OTULIN: variants seen among roughly 807,000 people sequenced by gnomAD.
OTULIN encodes the protein ubiquitin thioesterase otulin.
In OTULIN, 15 loss-of-function variants were observed where a neutral mutation model predicts 39.6. The observed-to-expected ratio is 0.38, with a 90% CI of 0.25 to 0.58. The LOEUF (loss-of-function observed/expected upper bound fraction) is 0.58. Among genes scored for constraint, OTULIN ranks in the 20% least tolerant of loss-of-function variants. OTULIN has a pLI of 0.66. For missense variants in OTULIN, 319 were observed against 445.9 expected, an observed-to-expected ratio of 0.72 and a Z score of 2.56; for synonymous variants, 156 against 170.3, an observed-to-expected ratio of 0.92 and a Z score of 0.65.
chr5:14,701,545 C>T (rs1170052552), downstream of OTULIN, among the ~76,000 whole-genome samples: 1 of 152,178 alleles, frequency 6.6e-6, no homozygotes. Flanking sequence ...TATTACAACC[C>T]CCTGCCCCAG....
In OTULIN at chr5:14,699,183, T is replaced by C. The variant is rs1736747362; in HGVS notation, c.*6135T>C. ...ACTGCTGGAAATGTACCCACTAATG[T>C]GATGGCAAGAACTTCAACAAATTGC... On this transcript the variant is annotated 3_prime_UTR_variant, in exon 7 of 7. Coordinates refer to ENST00000284274, the MANE Select transcript of OTULIN (RefSeq NM_138348.6). The C allele has an allele frequency of 6.6e-6, 1 of 152,222 alleles. No homozygotes were observed. Among genetic ancestry groups the C allele is most frequent in the Non-Finnish European group, 1.5e-5 (1 of 68,066 alleles). The allele number at this position is 152,222 out of a possible 1,614,324, so 9.4% of individuals were successfully genotyped here.
In OTULIN at chr5:14,696,833, A is replaced by C. The variant is rs1474453735; in HGVS notation, c.*3785A>C. 1 of 152,360 alleles carries C rather than the reference A, an allele frequency of 6.6e-6. No individual in the cohort carries two copies. The highest frequency in any genetic ancestry group is 1.9e-4 in the East Asian group (1 of 5,188). 9.4% of individuals were successfully genotyped at this position (152,360 alleles called of 1,614,324 possible). A position where few individuals can be genotyped will look rare whatever the true frequency, so the allele number is the denominator to read the frequency against. On this transcript the variant is annotated 3_prime_UTR_variant, in exon 7 of 7. Coordinates refer to ENST00000284274, the MANE Select transcript of OTULIN (RefSeq NM_138348.6). ...CATCATCTAAGGGGATGGGAAGACT[A>C]GGGAGCCAGTGCCACGTTGAACAGA... is the stretch of plus-strand genomic sequence containing the variant.
Position 14,693,174 on chromosome 5 carries a change from A to G in OTULIN, c.*126A>G, listed in dbSNP as rs1364897291. The G allele has an allele frequency of 1.2e-6, 1 of 838,492 alleles. No individual in the cohort carries two copies. Among genetic ancestry groups the G allele is most frequent in the Non-Finnish European group, 1.8e-6 (1 of 552,384 alleles). 51.9% of individuals were successfully genotyped at this position (838,492 alleles called of 1,614,324 possible). A position where few individuals can be genotyped will look rare whatever the true frequency, so the allele number is the denominator to read the frequency against. On this transcript the variant is annotated 3_prime_UTR_variant, in exon 7 of 7. Coordinates refer to ENST00000284274, the MANE Select transcript of OTULIN (RefSeq NM_138348.6). ...AAGAACCCTTGGGCCCCTGGGAGCCAAGTTGGACAGGATGTCCTGAAGACT... is the reference window on the plus strand; with the variant it reads ...AAGAACCCTTGGGCCCCTGGGAGCCGAGTTGGACAGGATGTCCTGAAGACT...
In OTULIN at chr5:14,696,022, G is replaced by A. The variant is rs893579369; in HGVS notation, c.*2974G>A. Reference sequence around the variant, plus strand: ...TTTTTTTTTTTTCCCTCCACTTTTGGAGCTTATCAGGTAAAAATCTCAAGC... The same window carrying A: ...TTTTTTTTTTTTCCCTCCACTTTTGAAGCTTATCAGGTAAAAATCTCAAGC... On this transcript the variant is annotated 3_prime_UTR_variant, in exon 7 of 7. Transcript: ENST00000284274. 69 of 149,242 alleles carry A rather than the reference G, an allele frequency of 4.6e-4. No homozygotes were observed. The highest frequency in any genetic ancestry group is 8.0e-4 in the Non-Finnish European group (54 of 67,582). The allele number at this position is 149,242 out of a possible 1,614,324, so 9.2% of individuals were successfully genotyped here.
intron 4 of OTULIN, among the ~76,000 whole-genome samples, chr5:14,685,756 C>G (rs1431578458): frequency 1.3e-5 from 2 of 151,242 alleles, no homozygotes; most frequent in Non-Finnish European, 3.0e-5. Flanking sequence ...GATGCTCAGC[C>G]GGTCTTCTGG....
the OTULIN span, chr5:14,707,402 C>T: frequency 6.6e-6 from 1 of 152,142 alleles, no homozygotes; most frequent in South Asian, 2.1e-4. Context: ...CAGAAGATCC[C>T]CAAATGGGGA....
intron 3 of OTULIN, 54 bp downstream of exon 3, chr5:14,678,829 T>G (rs1736172671): frequency 6.1e-6 from 7 of 1,155,054 alleles, no homozygotes; most frequent in Non-Finnish European, 8.7e-6. Context: ...TATCATAAGT[T>G]GTTTAATATG....
the OTULIN span, chr5:14,711,192 G>T: frequency 3.1e-6 from 5 of 1,611,250 alleles, no homozygotes; most frequent in African/African-American, 6.7e-5. Context: ...ATGGCGTCCC[G>T]TGCCTTATTC....
At chr5:14,711,158 T>C in the OTULIN span, 4 of 1,512,640 alleles carry the variant, frequency 2.6e-6, no homozygotes, top group South Asian at 1.1e-5. Context: ...AGTGTCATCC[T>C]GACTGACTGT....
intron 1 of OTULIN, among the ~76,000 whole-genome samples, chr5:14,670,257 CT>C (rs975014484): frequency 6.6e-6 from 1 of 152,178 alleles, no homozygotes; most frequent in African/African-American, 2.4e-5. Flanking sequence ...TGCCAAATCC[CT>C]TTTCCTCATT....
chr5:14,693,300 A>G lies in OTULIN; in HGVS notation c.*252A>G, dbSNP rs1736580681. On this transcript the variant is annotated 3_prime_UTR_variant, in exon 7 of 7. Transcript: ENST00000284274. The stretch of plus-strand genomic sequence containing the variant: ...GCACACCTGTTGGACGGTGCAAACC[A>G]TATCTTCTCCAGAAGGCAAATACTT... 5.5e-6 allele frequency: 2 copies of G among 361,476 alleles called. No individual in the cohort carries two copies. The highest frequency in any genetic ancestry group is 2.1e-5 in the African/African-American group (1 of 48,354). 22.4% of individuals were successfully genotyped at this position (361,476 alleles called of 1,614,324 possible).
At chr5:14,713,290 C>CGT in the OTULIN span, among the ~76,000 whole-genome samples, 1 of 152,144 alleles carries the variant, frequency 6.6e-6, no homozygotes, top group East Asian at 1.9e-4. The surrounding 1 kb of genome is among the most constrained non-coding windows in gnomAD (Gnocchi z 4.4). Context: ...CGTTCAAGCC[C>CGT]GTGCAGGGCC....
In OTULIN at chr5:14,666,397, T is replaced by C. The variant is rs552666799; in HGVS notation, c.152+1420T>C. ...TAGTAGAACTATATAGACTTAGAGC[T>C]GAAAGGAATGTAAAAAAAAAACTAG... On this transcript the variant is annotated intron_variant, in intron 1 of 6. Coordinates refer to ENST00000284274, the MANE Select transcript of OTULIN (RefSeq NM_138348.6). Among the ~76,000 whole-genome samples, 104 of 152,210 alleles carry C rather than the reference T, an allele frequency of 6.8e-4. No homozygotes were observed. The South Asian group carries it at 0.011, about 16-fold the overall frequency.
chr5:14,667,156 G>T (rs917262962), intron 1 of OTULIN, among the ~76,000 whole-genome samples: 1 of 152,212 alleles, frequency 6.6e-6, no homozygotes, highest in African/African-American at 2.4e-5. Context: ...AATACATTCA[G>T]TGGACAGTAA....
chr5:14,673,772 G>A, intron 2 of OTULIN, 54 bp downstream of exon 2: 3 of 1,480,910 alleles, frequency 2.0e-6, no homozygotes, highest in Non-Finnish European at 2.8e-6. Context: ...AGCAGAAAAT[G>A]CAGTTAAATC....
intron 4 of OTULIN, among the ~76,000 whole-genome samples, chr5:14,683,827 TA>T (rs1405401214): frequency 6.6e-6 from 1 of 152,212 alleles, no homozygotes; most frequent in Admixed American, 6.5e-5. Flanking sequence ...ATTAATTAAA[TA>T]AAGTATAAAA....
At chr5:14,712,471 C>T in the OTULIN span, among the ~76,000 whole-genome samples, 1 of 152,276 alleles carries the variant, frequency 6.6e-6, no homozygotes, top group African/African-American at 2.4e-5. Context: ...TGCCCGAGCT[C>T]CTGTCTTGGA....
the OTULIN span, among the ~76,000 whole-genome samples, chr5:14,716,414 C>T: frequency 6.6e-6 from 1 of 152,106 alleles, no homozygotes; most frequent in South Asian, 2.1e-4. Flanking sequence ...AGTGCTTGAA[C>T]CCGGGAGGCA....
intron 1 of OTULIN, among the ~76,000 whole-genome samples, chr5:14,667,254 G>A (rs758287360): frequency 2.6e-5 from 4 of 152,234 alleles, no homozygotes; most frequent in African/African-American, 4.8e-5. Context: ...AGTAGAGAAA[G>A]AGATGGCTTA....
Sources: gnomAD v4.1 joint callset for allele counts (sites outside exome capture counted in the v4.1 genomes callset) on GRCh38, gnomAD v4.1.1 for gene constraint, Gnocchi (gnomAD v3.1) non-coding constraint, MANE v1.5 for transcripts, NCBI Gene and HGNC (gene_info 2026-07-23, HGNC 2026-07-21) for gene names.